The following RABGAP1L variants were observed in gnomAD, a reference collection of about 807,000 sequenced individuals.
RABGAP1L encodes RAB GTPase activating protein 1 like.
A neutral mutation model predicts 137.7 loss-of-function variants in RABGAP1L; 63 were observed. The ratio of observed to expected loss-of-function variants is 0.46; its 90% confidence interval spans 0.37 to 0.56. The LOEUF is 0.56. Among genes scored for constraint, RABGAP1L ranks in the 20% least tolerant of loss-of-function variants. The pLI is 0.00. For synonymous variants in RABGAP1L, 431 were observed against 433.7 expected (o/e 0.99, Z 0.08); for missense variants, 1,095 against 1,244.0 (o/e 0.88, Z 1.80).
chr1:174,556,006 T>TC (rs1433212486), intron 13 of RABGAP1L, among the ~76,000 whole-genome samples: 2 of 150,550 alleles, frequency 1.3e-5, no homozygotes, highest in African/African-American at 4.9e-5. Context: ...TTTTTTTTTT[T>TC]TTTTTTTTTA....
At chr1:174,646,428 A>G (rs994560182) in intron 14 of RABGAP1L, among the ~76,000 whole-genome samples, 4 of 152,126 alleles carry the variant, frequency 2.6e-5, no homozygotes, top group Non-Finnish European at 5.9e-5. Flanking sequence ...TTTTCTGCAT[A>G]TGGCTAGCCA....
chr1:174,774,408 T>A (rs1344319093), intron 18 of RABGAP1L, among the ~76,000 whole-genome samples: 1 of 151,838 alleles, frequency 6.6e-6, no homozygotes, highest in Admixed American at 6.6e-5. Flanking sequence ...CTGGGCAACA[T>A]AGTGAGATCT....
chr1:174,748,592 C>T (rs534328042), intron 17 of RABGAP1L, among the ~76,000 whole-genome samples: 10 of 152,124 alleles, frequency 6.6e-5, no homozygotes, highest in South Asian at 2.1e-4. Context: ...AATCCATGGC[C>T]GAGCACAGTG....
chr1:174,269,362 T>C (rs1274253888), intron 7 of RABGAP1L, among the ~76,000 whole-genome samples: 1 of 152,244 alleles, frequency 6.6e-6, no homozygotes, highest in Non-Finnish European at 1.5e-5. Context: ...GCCCAGGGTC[T>C]CTCAGGGAGC....
At chr1:174,584,053 C>G (rs1668935985) in intron 13 of RABGAP1L, among the ~76,000 whole-genome samples, 1 of 152,020 alleles carries the variant, frequency 6.6e-6, no homozygotes, top group Non-Finnish European at 1.5e-5. Flanking sequence ...GGGTCAGCCT[C>G]AGTGCTTGTC....
rs559478289 is a variant in RABGAP1L at position 174,916,691 on chromosome 1, T to C, written c.2341-40766T>C. 7.7e-4 allele frequency among the ~76,000 whole-genome samples: 118 copies of C among 152,356 alleles called. 1 individual carries two copies. Among genetic ancestry groups the C allele is most frequent in the South Asian group, 1.7e-3 (8 of 4,830 alleles). ...TGAAGTCAGGAAATCAGACTCGCTC[T>C]ACTATCTCAAAGGAGAGCATATCTC... is the stretch of plus-strand genomic sequence containing the variant. On this transcript the variant is annotated intron_variant, in intron 19 of 25. Transcript: ENST00000681986.
intron 2 of RABGAP1L, 155 bp from the exon 3 acceptor site, chr1:174,220,817 A>G (rs1251527449): frequency 7.5e-6 from 4 of 534,492 alleles, no homozygotes; most frequent in African/African-American, 5.9e-5. Flanking sequence ...CAGGATTTTA[A>G]TGTATTATAT....
rs1265715584 is a variant in RABGAP1L at position 174,220,700 on chromosome 1, C to T, written c.139-272C>T. The T allele has an allele frequency of 1.4e-5, 3 of 217,202 alleles. No individual in the cohort carries two copies. In the Admixed American group the frequency reaches 1.7e-4, roughly 13 times the overall value. The allele number at this position is 217,202 out of a possible 1,614,324, so 13.5% of individuals were successfully genotyped here. ...AAAGGGGAAAAAAAGATAAATACAT[C>T]TCTGTAAATAGGATCTTATATAAAA... On this transcript the variant is annotated intron_variant, in intron 2 of 25. Transcript: ENST00000681986.
At chr1:174,516,629 A>C (rs1285447710) in intron 13 of RABGAP1L, among the ~76,000 whole-genome samples, 1 of 152,200 alleles carries the variant, frequency 6.6e-6, no homozygotes. Context: ...TACAGTAGAT[A>C]ATATTTACTG....
rs1252681895 is a variant in RABGAP1L at position 174,550,997 on chromosome 1, C to CATATAT, written c.1711-86377_1711-86376insTATATA. ...ATGTATATATACATATATATATATA[C>CATATAT]ACATATATATATATATATATATATA... On this transcript the variant is annotated intron_variant, in intron 13 of 25. Coordinates refer to ENST00000681986, the MANE Select transcript of RABGAP1L (RefSeq NM_001366446.1). 4.1e-3 allele frequency among the ~76,000 whole-genome samples: 380 copies of CATATAT among 92,150 alleles called. 3 individuals are homozygous for CATATAT. Among genetic ancestry groups the CATATAT allele is most frequent in the Non-Finnish European group, 5.4e-3 (299 of 54,898 alleles). 60.5% of individuals were successfully genotyped at this position (92,150 alleles called of 152,430 possible).
chr1:174,275,799 C>T lies in RABGAP1L; in HGVS notation c.1054-34C>T, dbSNP rs541344711. 13 of 1,499,878 alleles carry T rather than the reference C, an allele frequency of 8.7e-6. No homozygotes were observed. In the Admixed American group the frequency reaches 1.1e-4, roughly 13 times the overall value. 92.9% of individuals were successfully genotyped at this position (1,499,878 alleles called of 1,614,324 possible). A position where few individuals can be genotyped will look rare whatever the true frequency, so the allele number is the denominator to read the frequency against. On this transcript the variant is annotated intron_variant, in intron 8 of 25. Coordinates refer to ENST00000681986, the MANE Select transcript of RABGAP1L (RefSeq NM_001366446.1). ...TTTAAAGTAGTGATTTTTTTGATGT[C>T]TTTTATCAGTAATTACTGTTTGAAT... is the stretch of plus-strand genomic sequence containing the variant.
chr1:174,404,416 A>G (rs1649016759), intron 13 of RABGAP1L, among the ~76,000 whole-genome samples: 1 of 152,100 alleles, frequency 6.6e-6, no homozygotes, highest in Non-Finnish European at 1.5e-5. Flanking sequence ...TCCTTCCCCT[A>G]CTCTCATCCT....
intron 19 of RABGAP1L, among the ~76,000 whole-genome samples, chr1:174,906,219 A>G (rs985807190): frequency 2.0e-5 from 3 of 150,502 alleles, no homozygotes; most frequent in Admixed American, 6.6e-5. Context: ...GGGTTTCACC[A>G]TGTTAGCCAG....
intron 17 of RABGAP1L, among the ~76,000 whole-genome samples, chr1:174,734,322 C>G (rs1160957095): frequency 6.6e-6 from 1 of 151,920 alleles, no homozygotes; most frequent in African/African-American, 2.4e-5. Flanking sequence ...CAGGTATGAC[C>G]ATAGGGAACT....
intron 13 of RABGAP1L, among the ~76,000 whole-genome samples, chr1:174,471,778 C>CT (rs2149308884): frequency 6.6e-6 from 1 of 152,270 alleles, no homozygotes; most frequent in East Asian, 1.9e-4. Context: ...AGATAGGAGA[C>CT]TGTTATGGAC....
chr1:174,677,349 T>G (rs1167517004), intron 14 of RABGAP1L, among the ~76,000 whole-genome samples: 2 of 152,284 alleles, frequency 1.3e-5, no homozygotes, highest in East Asian at 1.9e-4. Flanking sequence ...GAACTTATAA[T>G]AAACCATTGA....
chr1:174,735,568 C>T (rs538017722), intron 17 of RABGAP1L, among the ~76,000 whole-genome samples: 73 of 126,370 alleles, frequency 5.8e-4, no homozygotes, highest in African/African-American at 2.3e-3. Flanking sequence ...GCTGAGATCA[C>T]GCCATTGCAC....
At chr1:174,304,771 C>A (rs1678041553) in intron 10 of RABGAP1L, among the ~76,000 whole-genome samples, 1 of 152,114 alleles carries the variant, frequency 6.6e-6, no homozygotes. Flanking sequence ...TAGGTTTCAT[C>A]ATATTAGTTA....
intron 19 of RABGAP1L, among the ~76,000 whole-genome samples, chr1:174,903,843 G>A (rs1162479080): frequency 6.6e-6 from 1 of 152,022 alleles, no homozygotes; most frequent in Non-Finnish European, 1.5e-5. Flanking sequence ...CCAGCTACTT[G>A]GGAGGCTGAG....
Sources: allele counts gnomAD v4.1 joint callset (sites outside exome capture counted in the v4.1 genomes callset), GRCh38; gene constraint gnomAD v4.1.1; transcripts MANE v1.5; gene names NCBI Gene and HGNC (gene_info 2026-07-23, HGNC 2026-07-21).